The following THADA variants were observed in gnomAD, a reference collection of about 807,000 sequenced individuals.
THADA encodes tRNA (32-2'-O)-methyltransferase regulator THADA.
In THADA, 213 loss-of-function variants were observed where a neutral mutation model predicts 219.8. That is an observed-to-expected ratio of 0.97 (90% CI 0.87 to 1.09). The LOEUF is 1.09. THADA is among the 50% of genes least tolerant of loss of function. The pLI, the probability that THADA is intolerant of heterozygous loss-of-function variation, is 0.00. For missense variants in THADA, 2,956 were observed against 2,311.3 expected, an observed-to-expected ratio of 1.28 and a Z score of -5.72; for synonymous variants, 1,018 against 828.9, an observed-to-expected ratio of 1.23 and a Z score of -3.92.
At chr2:43,453,698 T>C (rs1019511880) in intron 26 of THADA, among the ~76,000 whole-genome samples, 1 of 152,168 alleles carries the variant, frequency 6.6e-6, no homozygotes, top group Non-Finnish European at 1.5e-5. Context: ...GGAAAGGAAT[T>C]TGCTTGGCCC....
chr2:43,533,511 T>C (rs1694157236), intron 21 of THADA, among the ~76,000 whole-genome samples: 1 of 152,154 alleles, frequency 6.6e-6, no homozygotes, highest in African/African-American at 2.4e-5. Flanking sequence ...AATGATAGAC[T>C]GGCTAAAGAA....
intron 26 of THADA, among the ~76,000 whole-genome samples, chr2:43,442,062 T>A (rs1395046634): frequency 6.6e-6 from 1 of 152,198 alleles, no homozygotes; most frequent in Non-Finnish European, 1.5e-5. Flanking sequence ...GTCAAGTGAA[T>A]GATATTTACA....
intron 36 of THADA, among the ~76,000 whole-genome samples, chr2:43,254,498 G>C (rs1670113935): frequency 6.6e-6 from 1 of 151,998 alleles, no homozygotes; most frequent in South Asian, 2.1e-4. Context: ...TTGATCCAAA[G>C]GTCGTTTGTG....
chr2:43,250,483 G>A (rs1234065975), intron 36 of THADA, among the ~76,000 whole-genome samples: 2 of 152,096 alleles, frequency 1.3e-5, no homozygotes, highest in African/African-American at 2.4e-5. Flanking sequence ...GACTGCACAC[G>A]ACTGTAAAAG....
intron 26 of THADA, among the ~76,000 whole-genome samples, chr2:43,477,985 A>T (rs1573852425): frequency 6.6e-6 from 1 of 152,226 alleles, no homozygotes; most frequent in East Asian, 1.9e-4. Context: ...CCAGACTGCT[A>T]CATGGAGAAT....
intron 22 of THADA, among the ~76,000 whole-genome samples, chr2:43,514,600 TTA>T (rs1690968589): frequency 1.0e-5 from 1 of 99,484 alleles, no homozygotes; most frequent in South Asian, 2.7e-4. Context: ...TATGTATATT[TTA>T]TATATATTTT....
At position 43,337,811 on chromosome 2, in the gene THADA, T is replaced by A. The variant is rs368368854; in HGVS notation, c.4343+6311A>T. Among the ~76,000 whole-genome samples the A allele has an allele frequency of 1.1e-3, 162 of 152,234 alleles. 2 individuals carry two copies. The highest frequency in any genetic ancestry group is 3.7e-3 in the African/African-American group (154 of 41,528). ...GTATGCCAGCAATGGTTAGGTAAAT[T>A]TAATGAGTAATTATTCAGGTGACAA... On this transcript the variant is annotated intron_variant, in intron 30 of 37. Coordinates refer to ENST00000405975, the MANE Select transcript of THADA (RefSeq NM_022065.5).
chr2:43,297,228 G>A (rs1252547606), intron 31 of THADA, among the ~76,000 whole-genome samples: 431 of 99,866 alleles, frequency 4.3e-3, no homozygotes, highest in African/African-American at 7.9e-3. Context: ...CTGCCCGGCC[G>A]AGACCCCGTC....
intron 31 of THADA, among the ~76,000 whole-genome samples, chr2:43,319,303 A>C (rs1347404520): frequency 6.6e-6 from 1 of 152,214 alleles, no homozygotes; most frequent in Non-Finnish European, 1.5e-5. Flanking sequence ...ACTATTAATA[A>C]TTATGCTGGG....
At chr2:43,565,653 T>C (rs766610048) in intron 15 of THADA, 1 of 152,178 alleles carries the variant, frequency 6.6e-6, no homozygotes, top group African/African-American at 2.4e-5. Context: ...CCAATGATAG[T>C]GTAAAGCTCC....
chr2:43,552,391 A>G (rs1696854810), intron 17 of THADA, 52 bp from the exon 18 acceptor site: 1 of 1,545,830 alleles, frequency 6.5e-7, no homozygotes, highest in African/African-American at 1.4e-5. Context: ...AAACATTTGT[A>G]AATGTACGAA....
chr2:43,506,333 T>A (rs1408918877), intron 23 of THADA, among the ~76,000 whole-genome samples: 1 of 152,196 alleles, frequency 6.6e-6, no homozygotes, highest in Non-Finnish European at 1.5e-5. Context: ...TTACTTTGTA[T>A]CTAACACTTT....
chr2:43,450,506 A>G (rs1682178073), intron 26 of THADA, among the ~76,000 whole-genome samples: 1 of 152,186 alleles, frequency 6.6e-6, no homozygotes, highest in Admixed American at 6.5e-5. Context: ...AATATACACA[A>G]ACACACAAAG....
intron 31 of THADA, among the ~76,000 whole-genome samples, chr2:43,294,724 T>C (rs1202632338): frequency 6.6e-6 from 1 of 151,946 alleles, no homozygotes; most frequent in Non-Finnish European, 1.5e-5. Flanking sequence ...TACTGCACCG[T>C]AGTCCAGGAG....
intron 22 of THADA, among the ~76,000 whole-genome samples, chr2:43,523,336 C>T (rs1476396329): frequency 6.6e-6 from 1 of 152,138 alleles, no homozygotes; most frequent in African/African-American, 2.4e-5. Context: ...CACTGCACTC[C>T]AGCCTTGGCA....
At chr2:43,523,487 A>T (rs999070317) in intron 22 of THADA, among the ~76,000 whole-genome samples, 1 of 152,212 alleles carries the variant, frequency 6.6e-6, no homozygotes, top group Admixed American at 6.5e-5. Flanking sequence ...TCTCAACTGC[A>T]TATTCTTTAG....
At chr2:43,475,283 T>C (rs1383682161) in intron 26 of THADA, among the ~76,000 whole-genome samples, 1 of 151,876 alleles carries the variant, frequency 6.6e-6, no homozygotes, top group Non-Finnish European at 1.5e-5. Context: ...AGGCATGGTG[T>C]CACGCACGTG....
chr2:43,392,245 T>G (rs1276011953), intron 29 of THADA, among the ~76,000 whole-genome samples: 1 of 152,250 alleles, frequency 6.6e-6, no homozygotes, highest in African/African-American at 2.4e-5. Context: ...ACTCATATGG[T>G]TACATTTTTA....
intron 22 of THADA, 116 bp downstream of exon 22, chr2:43,527,763 T>C: frequency 3.1e-6 from 2 of 650,958 alleles, no homozygotes; most frequent in South Asian, 2.5e-5. Context: ...AAGAGTTTTG[T>C]AGTCAACCAG....
Sources: allele counts gnomAD v4.1 joint callset (sites outside exome capture counted in the v4.1 genomes callset), GRCh38; gene constraint gnomAD v4.1.1; transcripts MANE v1.5; gene names NCBI Gene and HGNC (gene_info 2026-07-23, HGNC 2026-07-21).